Variants in FGD6 observed in about 807,000 individuals in gnomAD.
The protein encoded by FGD6 is FYVE, RhoGEF and PH domain-containing protein 6.
In FGD6, 90 loss-of-function variants were observed where a neutral mutation model predicts 149.4. The observed-to-expected ratio is 0.60, with a 90% CI of 0.51 to 0.72. The LOEUF (loss-of-function observed/expected upper bound fraction) is 0.72. Among genes scored for constraint, FGD6 ranks in the 30% least tolerant of loss-of-function variants. FGD6 has a pLI of 0.00. For missense variants in FGD6, 1,437 were observed against 1,684.8 expected (o/e 0.85, Z 2.57); for synonymous variants, 527 against 584.0 (o/e 0.90, Z 1.41).
intron 2 of FGD6, among the ~76,000 whole-genome samples, chr12:95,188,424 G>A (rs1246791446): frequency 6.6e-6 from 1 of 152,118 alleles, no homozygotes; most frequent in Non-Finnish European, 1.5e-5. Flanking sequence ...ACAGACACAG[G>A]AGAAGGAAGA....
At position 95,209,364 on chromosome 12, in the gene FGD6, C is replaced by T; in HGVS notation, c.1920G>A (p.Met640Ile). Residue 640 changes from methionine to isoleucine, a missense_variant, in exon 2 of 21, where the codon ATG becomes ATA. Physicochemically the swap from Met to Ile is conservative, Grantham distance 10. This residue lies in a region of FGD6 where 1,055 missense variants were observed against 1,146.0 expected (regional missense o/e 0.92). Transcript: ENST00000343958. The stretch of plus-strand genomic sequence containing the variant: ...ACCAAAATTTTTGAAAGTCACTCTT[C>T]ATGAAACAGATGGACAGTTTCATGC... Reference protein sequence around the residue: ...LLSMKLSICFMKSDFQKFWSK... With the variant: ...LLSMKLSICFIKSDFQKFWSK... The T allele has an allele frequency of 6.2e-7, 1 of 1,613,378 alleles. No homozygotes were observed. The highest frequency in any genetic ancestry group is 8.5e-7 in the Non-Finnish European group (1 of 1,179,634).
chr12:95,136,684 T>C (rs906406679), intron 7 of FGD6, among the ~76,000 whole-genome samples: 3 of 152,188 alleles, frequency 2.0e-5, no homozygotes, highest in Non-Finnish European at 2.9e-5. Flanking sequence ...CCATCCATCA[T>C]TGTAAGTTAA....
chr12:95,092,017 G>A (rs1328942424), intron 16 of FGD6, among the ~76,000 whole-genome samples: 1 of 152,184 alleles, frequency 6.6e-6, no homozygotes, highest in East Asian at 1.9e-4. Context: ...AGGGGCCACA[G>A]ATGATTACTT....
At chr12:95,155,356 A>C (rs1213693313) in intron 3 of FGD6, among the ~76,000 whole-genome samples, 2 of 152,118 alleles carry the variant, frequency 1.3e-5, no homozygotes, top group Admixed American at 6.6e-5. Flanking sequence ...GGGAAACCCC[A>C]TCTCTACTAA....
chr12:95,092,698 C>T lies in FGD6; in HGVS notation c.3747+1G>A. On this transcript the variant is annotated splice_donor_variant, in intron 16 of 20. Coordinates refer to ENST00000343958, the MANE Select transcript of FGD6 (RefSeq NM_018351.4). LOFTEE classifies it high-confidence loss of function. Reference sequence around the variant, plus strand: ...TGGAGATGGGTGTTATCATCGCCAACCTTTCCACAGGCCCGGCAGTGGTGT... The same window carrying T: ...TGGAGATGGGTGTTATCATCGCCAATCTTTCCACAGGCCCGGCAGTGGTGT... 1 of 1,613,816 alleles carries T rather than the reference C, an allele frequency of 6.2e-7. No homozygotes were observed. Among genetic ancestry groups the T allele is most frequent in the Non-Finnish European group, 8.5e-7 (1 of 1,179,940 alleles).
chr12:95,086,844 C>CTTT (rs35618842), intron 18 of FGD6, among the ~76,000 whole-genome samples: 9 of 92,898 alleles, frequency 9.7e-5, no homozygotes, highest in African/African-American at 2.1e-4. Context: ...CCACACCGGC[C>CTTT]TTTTTTTTTT....
intron 8 of FGD6, among the ~76,000 whole-genome samples, chr12:95,125,125 G>C (rs1242258275): frequency 3.3e-5 from 5 of 151,826 alleles, no homozygotes; most frequent in Admixed American, 2.6e-4. Context: ...TTCTGAGAAG[G>C]GCTCATAGGC....
chr12:95,153,638 G>A (rs372625792), intron 3 of FGD6, among the ~76,000 whole-genome samples: 29 of 152,256 alleles, frequency 1.9e-4, no homozygotes, highest in African/African-American at 6.7e-4. Flanking sequence ...TATAGCCTGG[G>A]CAACAAGGGT....
intron 2 of FGD6, among the ~76,000 whole-genome samples, chr12:95,200,843 C>T (rs1055831763): frequency 8.5e-5 from 13 of 152,066 alleles, no homozygotes; most frequent in Non-Finnish European, 1.5e-5. Flanking sequence ...TTCCATACCA[C>T]CCAGAAGAAA....
At chr12:95,159,053 T>C (rs1880562975) in intron 3 of FGD6, among the ~76,000 whole-genome samples, 1 of 152,074 alleles carries the variant, frequency 6.6e-6, no homozygotes, top group South Asian at 2.1e-4. Flanking sequence ...ACACTATAGA[T>C]GTGGAAGCAT....
chr12:95,094,650 G>A lies in FGD6; in HGVS notation c.3542C>T (p.Ala1181Val). The A allele has an allele frequency of 2.5e-6, 4 of 1,613,284 alleles. No individual in the cohort carries two copies. The highest frequency in any genetic ancestry group is 1.7e-4 in the Middle Eastern group (1 of 6,058). Reference sequence around the variant, plus strand: ...TCTTTTCTTGGCATACTCTTCTATTGCCCTGGAAATCGCTTCTAGCCATTC... The same window carrying A: ...TCTTTTCTTGGCATACTCTTCTATTACCCTGGAAATCGCTTCTAGCCATTC... ...RDEWLEAISR[A>V]IEEYAKKRIT... Residue 1181 changes from alanine to valine, a missense_variant, in exon 15 of 21, where the codon GCA becomes GTA. Ala to Val is a moderately conservative substitution (Grantham distance 64). Coordinates refer to ENST00000343958, the MANE Select transcript of FGD6 (RefSeq NM_018351.4).
intron 5 of FGD6, among the ~76,000 whole-genome samples, chr12:95,145,134 T>C (rs1411646812): frequency 6.6e-6 from 1 of 151,800 alleles, no homozygotes; most frequent in Non-Finnish European, 1.5e-5. Context: ...ATTATAGGTG[T>C]GTGCCACCAC....
At position 95,135,318 on chromosome 12, in the gene FGD6, A is replaced by C. The variant is rs4762211; in HGVS notation, c.2995-492T>G. Among the ~76,000 whole-genome samples the C allele has an allele frequency of 6.1e-3, 936 of 152,324 alleles. 15 individuals carry two copies. The highest frequency in any genetic ancestry group is 0.017 in the Middle Eastern group (5 of 294). On this transcript the variant is annotated intron_variant, in intron 7 of 20. Transcript: ENST00000343958. ...TGGTGGTGGCAGGGAGAACTGTAGA[A>C]AGTAAAGATAACCTGAAAAGCGGCC...
intron 3 of FGD6, among the ~76,000 whole-genome samples, chr12:95,153,455 A>C (rs1049306192): frequency 6.6e-6 from 1 of 152,294 alleles, no homozygotes; most frequent in East Asian, 1.9e-4. Context: ...TGAGGTTGGG[A>C]GTTCAAGACC....
intron 2 of FGD6, among the ~76,000 whole-genome samples, chr12:95,184,305 T>G (rs1013715934): frequency 1.3e-5 from 2 of 152,156 alleles, no homozygotes; most frequent in East Asian, 3.9e-4. Flanking sequence ...AAAGGCTTCT[T>G]GGGAGCCCAT....
At chr12:95,208,734 A>T in intron 2 of FGD6, 109 bp downstream of exon 2, 4 of 1,270,196 alleles carry the variant, frequency 3.1e-6, no homozygotes, top group Non-Finnish European at 4.3e-6. Flanking sequence ...CATTTTCTAA[A>T]CTATTCCTTC....
chr12:95,215,108 G>A (rs1592882610), intron 1 of FGD6, among the ~76,000 whole-genome samples: 1 of 152,012 alleles, frequency 6.6e-6, no homozygotes, highest in Non-Finnish European at 1.5e-5. Flanking sequence ...TGATCCACCC[G>A]CCTTGGCCTC....
chr12:95,086,048 T>G (rs1877854331), intron 18 of FGD6, 140 bp from the exon 19 acceptor site: 1 of 861,612 alleles, frequency 1.2e-6, no homozygotes, highest in Admixed American at 2.9e-5. Context: ...AAAGTGCTAC[T>G]ATACAAATTG....
At chr12:95,085,075 TTAGAG>T (rs1407529488) in intron 19 of FGD6, among the ~76,000 whole-genome samples, 3 of 152,152 alleles carry the variant, frequency 2.0e-5, no homozygotes, top group African/African-American at 4.8e-5. Flanking sequence ...AAGGACAGAA[TTAGAG>T]TAAACTGCTA....
Sources: gnomAD v4.1 joint callset for allele counts (sites outside exome capture counted in the v4.1 genomes callset) on GRCh38, gnomAD v4.1.1 for gene constraint, gnomAD v4.1.1 regional missense constraint, MANE v1.5 for transcripts, NCBI Gene and HGNC (gene_info 2026-07-23, HGNC 2026-07-21) for gene names.